The following FAM186B variants were observed in gnomAD, a reference collection of about 807,000 sequenced individuals.
The protein encoded by FAM186B is family with sequence similarity 186 member B.
In FAM186B, 68 loss-of-function variants were observed where a neutral mutation model predicts 83.4. The observed-to-expected ratio is 0.81, with a 90% confidence interval of 0.67 to 1.00. The LOEUF (loss-of-function observed/expected upper bound fraction) is 1.00, where lower values mean the gene tolerates loss of function less well. Ranked by LOEUF, FAM186B falls within the 50% of genes least tolerant of loss-of-function variation. FAM186B has a pLI of 0.00. For missense variants in FAM186B, 983 were observed against 1,099.2 expected (o/e 0.89, Z 1.49); for synonymous variants, 389 against 422.0 (o/e 0.92, Z 0.96).
chr12:49,597,359 A>T (rs1358603099), intron 5 of FAM186B, among the ~76,000 whole-genome samples: 1 of 151,458 alleles, frequency 6.6e-6, no homozygotes, highest in East Asian at 2.0e-4. Context: ...TGCCATGCAT[A>T]GATGGAAAAA....
upstream of FAM186B, among the ~76,000 whole-genome samples, chr12:49,608,294 G>A (rs1940054477): frequency 6.6e-6 from 1 of 150,570 alleles, no homozygotes; most frequent in African/African-American, 2.4e-5. Flanking sequence ...AGTTCAAGAT[G>A]AGCCTGGCCA....
At chr12:49,585,313 C>T (rs1150059), downstream of FAM186B, among the ~76,000 whole-genome samples, 372 of 152,288 alleles carry the variant, frequency 2.4e-3, 1 homozygote, top group African/African-American at 6.0e-3. Context: ...CCACTATGCC[C>T]GGCCTGTACC....
intron 3 of FAM186B, among the ~76,000 whole-genome samples, chr12:49,602,943 A>C (rs1010704395): frequency 1.3e-5 from 2 of 152,198 alleles, no homozygotes; most frequent in Non-Finnish European, 2.9e-5. Flanking sequence ...CCACAGCTCC[A>C]GTGAGCACAC....
Position 49,600,011 on chromosome 12 carries a change from G to A in FAM186B, c.1629C>T (p.Ser543=). Residue 543 remains serine, a synonymous_variant, in exon 4 of 7, where the codon AGC becomes AGT. Transcript: ENST00000257894. This position sits in a 1 kb window ranked among gnomAD's most constrained non-coding sequence, Gnocchi z 4.3. ...CTAGCTGCTCTGGCTCTCTCCGTGG[G>A]CTCTCCTGCTCCTTTTCTAGCTGGA... is the stretch of plus-strand genomic sequence containing the variant. The part of the protein sequence containing the change: ...RWVQLEKEQE[S]PRREPEQLGE... The A allele has an allele frequency of 6.2e-7, 1 of 1,610,010 alleles. No homozygotes were observed. Among genetic ancestry groups the A allele is most frequent in the Non-Finnish European group, 8.5e-7 (1 of 1,178,206 alleles).
chr12:49,595,514 A>G (rs1939695600), intron 5 of FAM186B: 22 of 463,564 alleles, frequency 4.7e-5, no homozygotes, highest in South Asian at 3.7e-4. Context: ...GCTAAGGACA[A>G]AATGATGAAT....
chr12:49,614,719 C>A, the FAM186B span, among the ~76,000 whole-genome samples: 1 of 152,046 alleles, frequency 6.6e-6, no homozygotes, highest in Admixed American at 6.5e-5. Context: ...ACATGTACCC[C>A]CTGAGTCTAA....
the FAM186B span, chr12:49,619,635 T>C: frequency 1.7e-6 from 1 of 591,984 alleles, no homozygotes; most frequent in Non-Finnish European, 3.1e-6. Flanking sequence ...TATCTTGGTT[T>C]TGTTGGAGGA....
chr12:49,587,598 A>AGGG lies in FAM186B; in HGVS notation c.*6_*7insCCC. 1 of 1,614,088 alleles carries AGGG rather than the reference A, an allele frequency of 6.2e-7. No homozygotes were observed. On this transcript the variant is annotated 3_prime_UTR_variant, in exon 7 of 7. Transcript: ENST00000257894. ...TTCAGGAAGTTCAGGCTTTTGTGGC[A>AGGG]GGAGGACTACACGTCCAGTGTCAAC...
the FAM186B span, among the ~76,000 whole-genome samples, chr12:49,612,064 A>C: frequency 6.6e-6 from 1 of 152,158 alleles, no homozygotes; most frequent in Admixed American, 6.5e-5. Context: ...GATTCTATAA[A>C]GCAACTGCAT....
At chr12:49,611,756 G>A in the FAM186B span, among the ~76,000 whole-genome samples, 1 of 140,804 alleles carries the variant, frequency 7.1e-6, no homozygotes, top group African/African-American at 2.7e-5. Flanking sequence ...CTACTTGGGA[G>A]GCTGAGGCAG....
At chr12:49,607,710 T>G (rs7134329), upstream of FAM186B, among the ~76,000 whole-genome samples, 2,428 of 152,288 alleles carry the variant, frequency 0.016, 62 homozygotes, top group African/African-American at 0.054. Flanking sequence ...TATTTTTTAA[T>G]TTTTTCTGAG....
rs554421106 is a variant in FAM186B at position 49,589,604 on chromosome 12, A to G, written c.2365-981T>C. Among the ~76,000 whole-genome samples, 123 of 152,278 alleles carry G rather than the reference A, an allele frequency of 8.1e-4. 1 individual carries two copies. Among genetic ancestry groups the G allele is most frequent in the Non-Finnish European group, 4.4e-5 (3 of 68,024 alleles). The stretch of plus-strand genomic sequence containing the variant: ...CTAATTTGCTGGGTTCCTGTTTTAC[A>G]TCTGTTGTAGAGAATCTAGAAACGG... On this transcript the variant is annotated intron_variant, in intron 5 of 6. Coordinates refer to ENST00000257894, the MANE Select transcript of FAM186B (RefSeq NM_032130.3).
At chr12:49,615,817 A>C in the FAM186B span, among the ~76,000 whole-genome samples, 2 of 152,126 alleles carry the variant, frequency 1.3e-5, no homozygotes, top group Non-Finnish European at 2.9e-5. Context: ...GAAAATATAC[A>C]AATGGCAAAT....
downstream of FAM186B, chr12:49,584,432 T>G (rs1431842857): frequency 1.4e-6 from 1 of 694,616 alleles, no homozygotes; most frequent in Non-Finnish European, 2.6e-6. Context: ...CCAAGTTCTC[T>G]GTGGGTTTCC....
upstream of FAM186B, among the ~76,000 whole-genome samples, chr12:49,606,846 C>T (rs1227519760): frequency 6.6e-6 from 1 of 152,112 alleles, no homozygotes. Flanking sequence ...GCATATGGAA[C>T]AATGATCATA....
intron 5 of FAM186B, among the ~76,000 whole-genome samples, chr12:49,597,391 T>C (rs572132272): frequency 2.8e-4 from 40 of 144,070 alleles, no homozygotes; most frequent in African/African-American, 8.1e-4. Flanking sequence ...CTCACTTATA[T>C]GTGAAATCTA....
chr12:49,582,883 GATACACAC>G (rs1277336698), downstream of FAM186B: 3 of 372,544 alleles, frequency 8.1e-6, no homozygotes, highest in Non-Finnish European at 1.6e-5. Flanking sequence ...TATACACAAA[GATACACAC>G]ACATATATAT....
At chr12:49,619,970 G>A in the FAM186B span, among the ~76,000 whole-genome samples, 1 of 151,776 alleles carries the variant, frequency 6.6e-6, no homozygotes. Flanking sequence ...ATGAGCCACC[G>A]CGTCCACATC....
the FAM186B span, among the ~76,000 whole-genome samples, chr12:49,617,287 G>C: frequency 6.6e-6 from 1 of 152,246 alleles, no homozygotes; most frequent in African/African-American, 2.4e-5. Flanking sequence ...GCTCACGCCT[G>C]TAATCCCAGC....
Sources: gnomAD v4.1 joint callset for allele counts (sites outside exome capture counted in the v4.1 genomes callset) on GRCh38, gnomAD v4.1.1 for gene constraint, Gnocchi (gnomAD v3.1) non-coding constraint, MANE v1.5 for transcripts, NCBI Gene and HGNC (gene_info 2026-07-23, HGNC 2026-07-21) for gene names.